MED12L: variants seen among roughly 807,000 people sequenced by gnomAD.
MED12L encodes mediator of RNA polymerase II transcription subunit 12-like protein.
Under a neutral mutation model 281.3 loss-of-function variants are expected in MED12L, and 60 were observed. The observed-to-expected ratio is 0.21, with a 90% CI of 0.17 to 0.26. The LOEUF (loss-of-function observed/expected upper bound fraction) is 0.26, where lower values mean the gene tolerates loss of function less well. Ranked by LOEUF, MED12L falls within the 10% of genes least tolerant of loss-of-function variation. MED12L has a pLI of 1.00. For synonymous variants in MED12L, 974 were observed against 987.2 expected, an observed-to-expected ratio of 0.99 and a Z score of 0.25; for missense variants, 2,146 against 2,680.9, an observed-to-expected ratio of 0.80 and a Z score of 4.41.
In MED12L at chr3:151,435,978, AAAG is replaced by A. The variant is rs529154653; in HGVS notation, c.*3178_*3180del. ...TGCCTGAGCTAGATTTTAAAGTTATAAAGAAGTTTCATTGTATTTTTAAAACCT... is the reference window on the plus strand; with the variant it reads ...TGCCTGAGCTAGATTTTAAAGTTATAAAGTTTCATTGTATTTTTAAAACCT... On this transcript the variant is annotated 3_prime_UTR_variant, in exon 45 of 45. Coordinates refer to ENST00000687756, the MANE Select transcript of MED12L (RefSeq NM_001393769.1). 51 of 152,316 alleles carry A rather than the reference AAAG, an allele frequency of 3.3e-4. No individual in the cohort carries two copies. The highest frequency in any genetic ancestry group is 8.4e-4 in the African/African-American group (35 of 41,568). 9.4% of individuals were successfully genotyped at this position (152,316 alleles called of 1,614,324 possible).
intron 39 of MED12L, among the ~76,000 whole-genome samples, chr3:151,401,086 A>G (rs1376874390): frequency 6.6e-6 from 1 of 152,182 alleles, no homozygotes; most frequent in Non-Finnish European, 1.5e-5. Flanking sequence ...ATTACTTTGT[A>G]GATTTGAAAT....
At chr3:151,107,966 A>C (rs1002520408) in intron 2 of MED12L, among the ~76,000 whole-genome samples, 1 of 152,184 alleles carries the variant, frequency 6.6e-6, no homozygotes, top group Non-Finnish European at 1.5e-5. Context: ...GTCCTGGGCG[A>C]CTGTGTTTTG....
intron 2 of MED12L, among the ~76,000 whole-genome samples, chr3:151,097,914 G>A (rs1000424203): frequency 6.6e-6 from 1 of 152,236 alleles, no homozygotes; most frequent in African/African-American, 2.4e-5. Flanking sequence ...GGTACAAAGT[G>A]CTGTGGATAG....
intron 16 of MED12L, among the ~76,000 whole-genome samples, chr3:151,194,901 A>T (rs1055982491): frequency 4.6e-5 from 7 of 152,206 alleles, no homozygotes; most frequent in African/African-American, 1.7e-4. Flanking sequence ...GCGGTGGCTC[A>T]TGCCTGTAAT....
chr3:151,232,384 C>G (rs4680260), intron 16 of MED12L, among the ~76,000 whole-genome samples: 74,803 of 152,004 alleles, frequency 0.49, 18,634 homozygotes, highest in Middle Eastern at 0.61. Flanking sequence ...GATAGCCATT[C>G]TGATTGGTGT....
chr3:151,164,116 C>T, intron 9 of MED12L, 74 bp downstream of exon 9: 10 of 1,512,432 alleles, frequency 6.6e-6, no homozygotes, highest in Non-Finnish European at 9.0e-6. Flanking sequence ...GGGTCAAGCA[C>T]AGGTTTTAGT....
intron 16 of MED12L, among the ~76,000 whole-genome samples, chr3:151,276,328 C>T (rs1741848622): frequency 6.6e-6 from 1 of 152,210 alleles, no homozygotes; most frequent in South Asian, 2.1e-4. Flanking sequence ...ATCCACTGCT[C>T]TATCCAAACA....
chr3:151,408,878 C>G (rs1716640210), intron 39 of MED12L, among the ~76,000 whole-genome samples: 1 of 152,172 alleles, frequency 6.6e-6, no homozygotes, highest in Non-Finnish European at 1.5e-5. Flanking sequence ...GTTCTCTTCC[C>G]TTTATAGGCA....
At chr3:151,280,692 G>A (rs1222314448) in intron 16 of MED12L, among the ~76,000 whole-genome samples, 2 of 151,956 alleles carry the variant, frequency 1.3e-5, no homozygotes, top group East Asian at 3.9e-4. Context: ...AGGATGGTGA[G>A]GGGTGGGTAG....
chr3:151,207,297 GA>G (rs1559877641), intron 16 of MED12L, among the ~76,000 whole-genome samples: 1 of 152,132 alleles, frequency 6.6e-6, no homozygotes, highest in African/African-American at 2.4e-5. Flanking sequence ...GCTGCCTCCT[GA>G]GCTCTTATCC....
intron 16 of MED12L, among the ~76,000 whole-genome samples, chr3:151,272,952 G>A (rs1287850366): frequency 4.6e-5 from 7 of 152,234 alleles, no homozygotes; most frequent in Admixed American, 3.9e-4. Context: ...AGTCCGAAGT[G>A]CTTCAATATC....
chr3:151,295,571 A>G (rs1002851238), intron 16 of MED12L, among the ~76,000 whole-genome samples: 2 of 152,246 alleles, frequency 1.3e-5, no homozygotes, highest in South Asian at 4.1e-4. Flanking sequence ...GAAATTTTCT[A>G]TAACAAGAAA....
At chr3:151,114,681 T>A (rs1043380682) in intron 2 of MED12L, among the ~76,000 whole-genome samples, 2 of 152,170 alleles carry the variant, frequency 1.3e-5, no homozygotes, top group Non-Finnish European at 2.9e-5. Flanking sequence ...CTCCCTCTTA[T>A]TCTTTCAGGT....
At chr3:151,204,721 G>A (rs1473595067) in intron 16 of MED12L, among the ~76,000 whole-genome samples, 3 of 152,208 alleles carry the variant, frequency 2.0e-5, no homozygotes, top group Non-Finnish European at 4.4e-5. Context: ...TTAGAGATGA[G>A]TGGAGTTGAC....
intron 2 of MED12L, among the ~76,000 whole-genome samples, chr3:151,094,943 A>G (rs1361712671): frequency 2.0e-5 from 3 of 152,314 alleles, no homozygotes; most frequent in African/African-American, 7.2e-5. Flanking sequence ...CTCCTAGGGT[A>G]TAGATAGAAG....
chr3:151,394,936 G>T, intron 39 of MED12L, 69 bp downstream of exon 39: 2 of 1,597,858 alleles, frequency 1.3e-6, no homozygotes, highest in Non-Finnish European at 1.7e-6. Flanking sequence ...ATAAGTTTGG[G>T]ATATGTAGCA....
At chr3:151,419,277 T>C (rs1717975213) in intron 43 of MED12L, among the ~76,000 whole-genome samples, 1 of 152,230 alleles carries the variant, frequency 6.6e-6, no homozygotes, top group Non-Finnish European at 1.5e-5. Context: ...TTAACTCACA[T>C]GACCACAAGG....
chr3:151,407,279 C>T (rs933595266), intron 39 of MED12L, among the ~76,000 whole-genome samples: 1 of 152,192 alleles, frequency 6.6e-6, no homozygotes. Context: ...AAAACATCTG[C>T]TTTATGCATC....
intron 38 of MED12L, among the ~76,000 whole-genome samples, chr3:151,391,682 C>T (rs1303208029): frequency 6.6e-6 from 1 of 152,156 alleles, no homozygotes; most frequent in Non-Finnish European, 1.5e-5. Context: ...GCATGCAGCA[C>T]ACAAGCCATG....
Sources: gnomAD v4.1 joint callset for allele counts (sites outside exome capture counted in the v4.1 genomes callset) on GRCh38, gnomAD v4.1.1 for gene constraint, MANE v1.5 for transcripts, NCBI Gene and HGNC (gene_info 2026-07-23, HGNC 2026-07-21) for gene names.